The following ILDR2 variants were observed in gnomAD, a reference collection of about 807,000 sequenced individuals.
The protein encoded by ILDR2 is immunoglobulin-like domain-containing receptor 2.
A neutral mutation model predicts 66.8 loss-of-function variants in ILDR2; 25 were observed. The ratio of observed to expected loss-of-function variants is 0.37; its 90% CI spans 0.27 to 0.52. ILDR2 has a LOEUF of 0.52. Ranked by LOEUF, ILDR2 falls within the 20% of genes least tolerant of loss-of-function variation. The probability of loss-of-function intolerance (pLI) is 0.88; values close to 1 mark genes in which losing one functional copy is unlikely to be tolerated. For synonymous variants in ILDR2, 367 were observed against 357.2 expected, an observed-to-expected ratio of 1.03 and a Z score of -0.31; for missense variants, 827 against 876.8, an observed-to-expected ratio of 0.94 and a Z score of 0.72.
At chr1:166,941,801 A>G (rs1027904007) in intron 3 of ILDR2, among the ~76,000 whole-genome samples, 2 of 152,252 alleles carry the variant, frequency 1.3e-5, no homozygotes, top group African/African-American at 4.8e-5. Flanking sequence ...TGGATATGCT[A>G]TGATCCAAAT....
rs528084762 is a variant in ILDR2 at position 166,954,762 on chromosome 1, T to A, written c.499+1971A>T. 3.9e-5 allele frequency among the ~76,000 whole-genome samples: 6 copies of A among 152,320 alleles called. No homozygotes were observed. The East Asian group carries it at 9.6e-4, about 24-fold the overall frequency. On this transcript the variant is annotated intron_variant, in intron 3 of 9. Coordinates refer to ENST00000271417, the MANE Select transcript of ILDR2 (RefSeq NM_199351.3). ...TCACCTCTCTGCTGCTGGCCCTTTT[T>A]TTCCTTGAGAATAGCATTTTTGCCC...
Position 166,935,438 on chromosome 1 carries a change from G to A in ILDR2, c.743C>T (p.Pro248Leu). The A allele has an allele frequency of 6.2e-7, 1 of 1,611,632 alleles. No homozygotes were observed. Among genetic ancestry groups the A allele is most frequent in the Non-Finnish European group, 8.5e-7 (1 of 1,178,762 alleles). Residue 248 changes from proline to leucine, a missense_variant, in exon 6 of 10, where the codon CCC becomes CTC. Pro to Leu is a moderately conservative substitution (Grantham distance 98, BLOSUM62 -3). Transcript: ENST00000271417. ...AGGGCCGGGGACACCGGAGACAGAG[G>A]GAGGGTACCCGGCCTTTGCTGCTTT... ...AGKAAKAGYP[P>L]SVSGVPGPYS...
intron 3 of ILDR2, among the ~76,000 whole-genome samples, chr1:166,948,522 TAAGG>T (rs1661773844): frequency 6.6e-6 from 1 of 152,110 alleles, no homozygotes; most frequent in African/African-American, 2.4e-5. Context: ...TGCAATTAAC[TAAGG>T]GTCATCCACT....
Position 166,909,750 on chromosome 1 carries a change from TATATATATAA to T in ILDR2, c.*9595_*9604del, listed in dbSNP as rs1269997907. On this transcript the variant is annotated 3_prime_UTR_variant, in exon 10 of 10. Coordinates refer to ENST00000271417, the MANE Select transcript of ILDR2 (RefSeq NM_199351.3). ...GTGTATACATACATATATATATATA[TATATATATAA>T]ATATATATAAATATATATATTTATA... 20 of 108,016 alleles carry T rather than the reference TATATATATAA, an allele frequency of 1.9e-4. No individual in the cohort carries two copies. The highest frequency in any genetic ancestry group is 6.5e-4 in the Admixed American group (6 of 9,210). The allele number at this position is 108,016 out of a possible 1,614,324, so 6.7% of individuals were successfully genotyped here.
Position 166,910,926 on chromosome 1 carries a change from T to A in ILDR2, c.*8429A>T, listed in dbSNP as rs1659459400. The A allele has an allele frequency of 6.6e-6, 1 of 152,244 alleles. No homozygotes were observed. The highest frequency in any genetic ancestry group is 2.4e-5 in the African/African-American group (1 of 41,452). 9.4% of individuals were successfully genotyped at this position (152,244 alleles called of 1,614,324 possible). ...CTGCTTCTTTTTTTTCTTGTCTTTTTAAATTTTTACCTTTTTGTGGAGGAT... is the reference window on the plus strand; with the variant it reads ...CTGCTTCTTTTTTTTCTTGTCTTTTAAAATTTTTACCTTTTTGTGGAGGAT... On this transcript the variant is annotated 3_prime_UTR_variant, in exon 10 of 10. Coordinates refer to ENST00000271417, the MANE Select transcript of ILDR2 (RefSeq NM_199351.3).
Position 166,909,752 on chromosome 1 carries a change from T to TATATAA in ILDR2, c.*9602_*9603insTTATAT, listed in dbSNP as rs1659426300. On this transcript the variant is annotated 3_prime_UTR_variant, in exon 10 of 10. Transcript: ENST00000271417. Reference sequence around the variant, plus strand: ...GTATACATACATATATATATATATATATATATAAATATATATAAATATATA... The same window carrying TATATAA: ...GTATACATACATATATATATATATATATATAAATATATAAATATATATAAATATATA... 1 of 76,478 alleles carries TATATAA rather than the reference T, an allele frequency of 1.3e-5. No individual in the cohort carries two copies. Among genetic ancestry groups the TATATAA allele is most frequent in the African/African-American group, 6.8e-5 (1 of 14,722 alleles). The allele number at this position is 76,478 out of a possible 1,614,324, so 4.7% of individuals were successfully genotyped here. A position where few individuals can be genotyped will look rare whatever the true frequency, so the allele number is the denominator to read the frequency against.
chr1:166,901,886 T>A (rs778331752), intron 2 of ILDR2, among the ~76,000 whole-genome samples: 11 of 152,218 alleles, frequency 7.2e-5, no homozygotes, highest in Non-Finnish European at 1.5e-4. Context: ...ACCTTCCTCC[T>A]TGGTGCCAGA....
chr1:166,951,490 G>T (rs958244637), intron 3 of ILDR2, among the ~76,000 whole-genome samples: 8 of 152,196 alleles, frequency 5.3e-5, no homozygotes, highest in Admixed American at 4.6e-4. Context: ...GCCAGTTTGA[G>T]CCTCTATCCC....
rs59211434 is a variant in ILDR2 at position 166,975,019 on chromosome 1, TTCTC to T, written c.46+200_46+203del. Among the ~76,000 whole-genome samples, 516 of 136,366 alleles carry T rather than the reference TTCTC, an allele frequency of 3.8e-3. 3 individuals carry two copies. The East Asian group carries it at 0.05, about 13-fold the overall frequency. The allele number at this position is 136,366 out of a possible 152,430, so 89.5% of individuals were successfully genotyped here. A position where few individuals can be genotyped will look rare whatever the true frequency, so the allele number is the denominator to read the frequency against. On this transcript the variant is annotated intron_variant, in intron 1 of 9. Coordinates refer to ENST00000271417, the MANE Select transcript of ILDR2 (RefSeq NM_199351.3). ...GGCTTCTCCCCCGCCGCCCCCATCA[TTCTC>T]TCTCTCTCTCTCTCACACACACACA...
chr1:166,910,247 C>T lies in ILDR2; in HGVS notation c.*9108G>A, dbSNP rs1199129154. On this transcript the variant is annotated 3_prime_UTR_variant, in exon 10 of 10. Coordinates refer to ENST00000271417, the MANE Select transcript of ILDR2 (RefSeq NM_199351.3). The stretch of plus-strand genomic sequence containing the variant: ...AGCTTTAAATCACAAAAGGCATGCA[C>T]CTAAATCCCACTTGATCCCAAGCAA... 1.3e-5 allele frequency: 2 copies of T among 152,086 alleles called. No individual in the cohort carries two copies. Among genetic ancestry groups the T allele is most frequent in the African/African-American group, 4.8e-5 (2 of 41,438 alleles). 9.4% of individuals were successfully genotyped at this position (152,086 alleles called of 1,614,324 possible).
At chr1:166,926,949 C>A in intron 7 of ILDR2, 118 bp downstream of exon 7, 2 of 609,682 alleles carry the variant, frequency 3.3e-6, no homozygotes, top group East Asian at 2.8e-5. Context: ...GTCACCAGCA[C>A]CCCTGCTAAT....
intron 1 of ILDR2, among the ~76,000 whole-genome samples, chr1:166,965,074 C>T (rs1662852007): frequency 6.6e-6 from 1 of 152,082 alleles, no homozygotes; most frequent in Admixed American, 6.6e-5. Flanking sequence ...CTCACCCACC[C>T]CTTAACTCTT....
rs1660020820 is a variant in ILDR2 at position 166,922,638 on chromosome 1, G to T, written c.1166C>A (p.Ser389Ter). The change falls in exon 8 of 10, where the codon TCA becomes TAA. Residue 389 changes from serine (S) to a stop codon, truncating the protein, a stop_gained. Coordinates refer to ENST00000271417, the MANE Select transcript of ILDR2 (RefSeq NM_199351.3). LOFTEE classifies it high-confidence loss of function. ...ATCCTCTTTGTTATACTCCATGGCT[G>T]AGGGCCCGCGGCTTGCCCCACTGCT... ...GGSSGASRGPSAMEYNKEDRE... is the reference protein window; with the variant it reads ...GGSSGASRGP 1 of 1,614,032 alleles carries T rather than the reference G, an allele frequency of 6.2e-7. No homozygotes were observed.
In ILDR2 at chr1:166,915,612, T is replaced by C. The variant is rs1415669724; in HGVS notation, c.*3743A>G. 1 of 152,182 alleles carries C rather than the reference T, an allele frequency of 6.6e-6. No homozygotes were observed. Among genetic ancestry groups the C allele is most frequent in the Non-Finnish European group, 1.5e-5 (1 of 68,030 alleles). 9.4% of individuals were successfully genotyped at this position (152,182 alleles called of 1,614,324 possible). ...AGACCTAATAGGTTTGTGACTTCATTAATGGCAGTGATGGTTTCTTCACCT... is the reference window on the plus strand; with the variant it reads ...AGACCTAATAGGTTTGTGACTTCATCAATGGCAGTGATGGTTTCTTCACCT... On this transcript the variant is annotated 3_prime_UTR_variant, in exon 10 of 10. Transcript: ENST00000271417.
chr1:166,925,085 C>A (rs1191789079), intron 7 of ILDR2, among the ~76,000 whole-genome samples: 1 of 152,084 alleles, frequency 6.6e-6, no homozygotes, highest in African/African-American at 2.4e-5. Context: ...TAGAACTTCC[C>A]AGACTAAAAA....
intron 3 of ILDR2, among the ~76,000 whole-genome samples, chr1:166,946,973 A>T (rs1309870354): frequency 1.3e-5 from 2 of 152,242 alleles, no homozygotes; most frequent in Admixed American, 1.3e-4. Flanking sequence ...AATACATCAT[A>T]ACACAGTATG....
chr1:166,972,161 G>A (rs370576993), intron 1 of ILDR2, among the ~76,000 whole-genome samples: 117 of 151,984 alleles, frequency 7.7e-4, no homozygotes, highest in African/African-American at 1.9e-3. Flanking sequence ...GCAGTGAGCC[G>A]AGATGGTGCC....
chr1:166,928,234 C>T (rs2101879105), intron 6 of ILDR2, among the ~76,000 whole-genome samples: 1 of 152,266 alleles, frequency 6.6e-6, no homozygotes, highest in Admixed American at 6.5e-5. Flanking sequence ...TGTTATCAGC[C>T]ACATTTTATG....
At chr1:166,935,597 A>G in intron 5 of ILDR2, 120 bp from the exon 6 acceptor site, 1 of 863,792 alleles carries the variant, frequency 1.2e-6, no homozygotes, top group South Asian at 2.0e-5. Context: ...TGCATGTGTG[A>G]GCGTTTGTTC....
Sources: gnomAD v4.1 joint callset for allele counts (sites outside exome capture counted in the v4.1 genomes callset) on GRCh38, gnomAD v4.1.1 for gene constraint, MANE v1.5 for transcripts, NCBI Gene and HGNC (gene_info 2026-07-23, HGNC 2026-07-21) for gene names.